Variants in DOCK10 observed in about 807,000 individuals in gnomAD.
DOCK10 encodes the protein dedicator of cytokinesis protein 10.
DOCK10 carries 145 observed loss-of-function variants against 280.1 expected under a neutral mutation model. That is an observed-to-expected ratio of 0.52 (90% CI 0.45 to 0.59). DOCK10 has a LOEUF of 0.59. DOCK10 is among the 20% of genes least tolerant of loss of function. The pLI, the probability that DOCK10 is intolerant of heterozygous loss-of-function variation, is 0.00. For synonymous variants in DOCK10, 915 were observed against 942.2 expected, an observed-to-expected ratio of 0.97 and a Z score of 0.53; for missense variants, 2,368 against 2,651.7, an observed-to-expected ratio of 0.89 and a Z score of 2.35.
chr2:225,029,156 T>C (rs2106119710), intron 1 of DOCK10, among the ~76,000 whole-genome samples: 1 of 152,270 alleles, frequency 6.6e-6, no homozygotes, highest in Non-Finnish European at 1.5e-5. Context: ...TCAGTTTCCT[T>C]CTATTTTATT....
At chr2:224,838,102 A>G (rs560498721) in intron 24 of DOCK10, among the ~76,000 whole-genome samples, 4 of 152,330 alleles carry the variant, frequency 2.6e-5, no homozygotes, top group East Asian at 1.9e-4. Context: ...TAATATCACA[A>G]TGGAGACTTT....
At chr2:225,009,054 T>G (rs184547998) in intron 1 of DOCK10, among the ~76,000 whole-genome samples, 7 of 152,322 alleles carry the variant, frequency 4.6e-5, no homozygotes, top group Admixed American at 3.9e-4. Context: ...TCTAAAGGAC[T>G]TCAGCCTCAG....
At chr2:224,978,652 A>T (rs1705574746) in intron 1 of DOCK10, among the ~76,000 whole-genome samples, 1 of 152,236 alleles carries the variant, frequency 6.6e-6, no homozygotes, top group African/African-American at 2.4e-5. Flanking sequence ...ATGGATTTAT[A>T]CACTATAAAT....
chr2:224,966,291 A>AC (rs1413795317), intron 1 of DOCK10, among the ~76,000 whole-genome samples: 1 of 82,492 alleles, frequency 1.2e-5, no homozygotes, highest in Non-Finnish European at 2.3e-5. Flanking sequence ...ATGGTGCCCC[A>AC]CCCCCCACCC....
chr2:224,932,983 C>A (rs746230264), intron 1 of DOCK10, among the ~76,000 whole-genome samples: 1 of 151,780 alleles, frequency 6.6e-6, no homozygotes, highest in Non-Finnish European at 1.5e-5. Context: ...GAAAAAAAAA[C>A]CCAGCTCACT....
chr2:225,037,286 C>A (rs1040749943), intron 1 of DOCK10, among the ~76,000 whole-genome samples: 1 of 152,094 alleles, frequency 6.6e-6, no homozygotes, highest in Non-Finnish European at 1.5e-5. Flanking sequence ...TTGGGAAGAT[C>A]TATTATAATT....
At chr2:224,877,457 ATTCTAT>A (rs1559634268) in intron 7 of DOCK10, among the ~76,000 whole-genome samples, 15 of 151,302 alleles carry the variant, frequency 9.9e-5, no homozygotes, top group African/African-American at 3.7e-4. Context: ...ATAGGTTCCT[ATTCTAT>A]TGGAATAGGT....
chr2:225,035,572 A>AATATATATATATATATATAT (rs1553634950), intron 1 of DOCK10, among the ~76,000 whole-genome samples: 15 of 69,954 alleles, frequency 2.1e-4, no homozygotes, highest in Non-Finnish European at 2.9e-5. Flanking sequence ...ATATATATAT[A>AATATATATATATATATATAT]TATATATATA....
intron 47 of DOCK10, among the ~76,000 whole-genome samples, chr2:224,790,763 T>C (rs1384032635): frequency 2.6e-5 from 4 of 152,162 alleles, no homozygotes; most frequent in Non-Finnish European, 2.9e-5. Flanking sequence ...GGGTCGCCTA[T>C]CTTCACCTAT....
intron 1 of DOCK10, among the ~76,000 whole-genome samples, chr2:224,976,121 G>A (rs995406698): frequency 1.7e-4 from 26 of 151,642 alleles, no homozygotes; most frequent in Admixed American, 1.3e-3. Context: ...GTGATTCTAC[G>A]AAAGTCACAG....
intron 31 of DOCK10, among the ~76,000 whole-genome samples, chr2:224,809,464 C>G (rs906807218): frequency 6.6e-6 from 1 of 152,056 alleles, no homozygotes; most frequent in Admixed American, 6.6e-5. Context: ...GGGCTGATAT[C>G]CAAACTCTAC....
At position 225,035,625 on chromosome 2, in the gene DOCK10, AGT is replaced by A. The variant is rs1559987296; in HGVS notation, c.123+6625_123+6626del. 2.1e-3 allele frequency among the ~76,000 whole-genome samples: 258 copies of A among 123,312 alleles called. 3 individuals are homozygous for A. Among genetic ancestry groups the A allele is most frequent in the African/African-American group, 8.8e-3 (245 of 27,690 alleles). The allele number at this position is 123,312 out of a possible 152,430, so 80.9% of individuals were successfully genotyped here. A position where few individuals can be genotyped will look rare whatever the true frequency, so the allele number is the denominator to read the frequency against. On this transcript the variant is annotated intron_variant, in intron 1 of 55. Coordinates refer to ENST00000258390, the MANE Select transcript of DOCK10 (RefSeq NM_014689.3). Reference sequence around the variant, plus strand: ...GTGTTAATTGTGTGTTGTATTAGTCAGTGCGGGCTGCCATAATAACCAAAGAA... The same window carrying A: ...GTGTTAATTGTGTGTTGTATTAGTCAGCGGGCTGCCATAATAACCAAAGAA...
Position 224,804,807 on chromosome 2 carries a change from G to A in DOCK10, c.4153C>T (p.Arg1385Cys), listed in dbSNP as rs781723793. Residue 1385 changes from arginine to cysteine, a missense_variant, in exon 38 of 56, where the codon CGC (arginine) becomes TGC (cysteine). This residue lies in a region of DOCK10 where 1,159 missense variants were observed against 1,400.8 expected (regional missense o/e 0.83). Transcript: ENST00000258390. The part of the protein sequence containing the change: ...CLQNFRYLGK[R>C]NIIRKIAAAF... ...TAAAATTAGTACCTTATTATGTTGC[G>A]TTTTCCTAGGTATCTGAAATTTTGA... is the stretch of plus-strand genomic sequence containing the variant. 8.6e-6 allele frequency: 13 copies of A among 1,506,724 alleles called. No individual in the cohort carries two copies. The African/African-American group carries it at 1.1e-4, about 13-fold the overall frequency. 93.3% of individuals were successfully genotyped at this position (1,506,724 alleles called of 1,614,324 possible). A position where few individuals can be genotyped will look rare whatever the true frequency, so the allele number is the denominator to read the frequency against.
intron 7 of DOCK10, among the ~76,000 whole-genome samples, chr2:224,879,795 C>T (rs1462263073): frequency 6.6e-6 from 1 of 151,806 alleles, no homozygotes; most frequent in Non-Finnish European, 1.5e-5. Flanking sequence ...AAGAAATAGA[C>T]ACTCATAAAA....
intron 3 of DOCK10, among the ~76,000 whole-genome samples, chr2:224,896,958 A>G (rs980713561): frequency 2.0e-5 from 3 of 152,220 alleles, no homozygotes; most frequent in African/African-American, 7.2e-5. Context: ...TCAAAAAACT[A>G]GTTTAATTGC....
chr2:224,992,087 T>C (rs140494420), intron 1 of DOCK10, among the ~76,000 whole-genome samples: 46 of 152,208 alleles, frequency 3.0e-4, no homozygotes, highest in Admixed American at 8.5e-4. Context: ...GCAACTGCTT[T>C]TAATTTTTAA....
intron 1 of DOCK10, among the ~76,000 whole-genome samples, chr2:224,964,796 T>A (rs1002177563): frequency 6.6e-6 from 1 of 152,238 alleles, no homozygotes; most frequent in African/African-American, 2.4e-5. Flanking sequence ...TTTCTTTCTC[T>A]TCTCCCTTCG....
chr2:224,913,758 C>T (rs867507404), intron 3 of DOCK10, among the ~76,000 whole-genome samples: 11 of 151,700 alleles, frequency 7.3e-5, no homozygotes, highest in African/African-American at 2.7e-4. Context: ...GACAGAGTCT[C>T]CCTCTGTTGC....
intron 1 of DOCK10, among the ~76,000 whole-genome samples, chr2:225,035,572 A>ATATATTATATATATATATATAATATATAT (rs1553634954): frequency 1.4e-5 from 1 of 69,956 alleles, no homozygotes; most frequent in Non-Finnish European, 2.9e-5. Context: ...ATATATATAT[A>ATATATTATATATATATATATAATATATAT]TATATATATA....
Sources: allele counts gnomAD v4.1 joint callset (sites outside exome capture counted in the v4.1 genomes callset), GRCh38; gene constraint gnomAD v4.1.1; regional missense constraint gnomAD v4.1.1; transcripts MANE v1.5; gene names NCBI Gene and HGNC (gene_info 2026-07-23, HGNC 2026-07-21).